The following PCGF5 variants were observed in gnomAD, a reference collection of about 807,000 sequenced individuals.
The protein encoded by PCGF5 is polycomb group ring finger 5.
A neutral mutation model predicts 44.3 loss-of-function variants in PCGF5; 9 were observed. That is an observed-to-expected ratio of 0.20 (90% confidence interval 0.12 to 0.35). The LOEUF is 0.35. PCGF5 is among the 10% of genes least tolerant of loss of function. The pLI is 1.00. For missense variants in PCGF5, 146 were observed against 305.3 expected, an observed-to-expected ratio of 0.48 and a Z score of 3.89; for synonymous variants, 95 against 102.5, an observed-to-expected ratio of 0.93 and a Z score of 0.44.
Position 91,171,223 on chromosome 10 carries a change from G to C in PCGF5, c.-184+8142G>C, listed in dbSNP as rs191926023. Among the ~76,000 whole-genome samples, 54 of 152,328 alleles carry C rather than the reference G, an allele frequency of 3.5e-4. 1 individual carries two copies. The East Asian group carries it at 0.01, about 28-fold the overall frequency. Reference sequence around the variant, plus strand: ...AGAATACAAAATACAGATGTGGCATGGAGGAAGAAAGAAGTTAGATGAAAA... The same window carrying C: ...AGAATACAAAATACAGATGTGGCATCGAGGAAGAAAGAAGTTAGATGAAAA... On this transcript the variant is annotated intron_variant, in intron 1 of 9. Transcript: ENST00000614189.
chr10:91,197,735 C>CT (rs1844165578), intron 1 of PCGF5, among the ~76,000 whole-genome samples: 1 of 152,132 alleles, frequency 6.6e-6, no homozygotes, highest in South Asian at 2.1e-4. Context: ...CCATATTCCC[C>CT]TTTTTCCTTC....
chr10:91,203,325 A>G (rs1195607177), intron 1 of PCGF5, among the ~76,000 whole-genome samples: 4 of 151,442 alleles, frequency 2.6e-5, no homozygotes, highest in Non-Finnish European at 2.9e-5. Flanking sequence ...AGGATCATGT[A>G]ATTCTCTAGG....
upstream of PCGF5, among the ~76,000 whole-genome samples, chr10:91,162,016 A>G (rs2133146465): frequency 6.6e-6 from 1 of 152,110 alleles, no homozygotes; most frequent in African/African-American, 2.4e-5. Context: ...AGATGGTAGG[A>G]GACGGCTACA....
chr10:91,248,527 A>T lies in PCGF5; in HGVS notation c.232A>T (p.Ile78Phe). 1 of 1,613,088 alleles carries T rather than the reference A, an allele frequency of 6.2e-7. No individual in the cohort carries two copies. Among genetic ancestry groups the T allele is most frequent in the Non-Finnish European group, 8.5e-7 (1 of 1,179,302 alleles). Residue 78 changes from isoleucine (I) to phenylalanine (F), a missense_variant, in exon 4 of 10, where the codon ATT (isoleucine) becomes TTT (phenylalanine). By Grantham distance (21) the Ile-to-Phe change is conservative (BLOSUM62 0). Transcript: ENST00000336126. ...MLRLDNTLEEIIFKLVPGLRE... is the reference protein window; with the variant it reads ...MLRLDNTLEEFIFKLVPGLRE... ...AAGGTTGGACAATACATTAGAGGAA[A>T]TTATATTTAAGCTGGTCCCTGGACT...
rs74853449 is a variant in PCGF5, at chr10:91,199,497, G to C, written c.-183-23192G>C. On this transcript the variant is annotated intron_variant, in intron 1 of 9. Coordinates refer to the PCGF5 transcript ENST00000614189. Reference sequence around the variant, plus strand: ...GGCAAGGAGGATCTTTGCAGCTGAGGACATGCCTGCAAGAGGCCAACAACA... The same window carrying C: ...GGCAAGGAGGATCTTTGCAGCTGAGCACATGCCTGCAAGAGGCCAACAACA... Among the ~76,000 whole-genome samples the C allele has an allele frequency of 6.3e-3, 961 of 152,320 alleles. 18 individuals carry two copies. The highest frequency in any genetic ancestry group is 0.022 in the African/African-American group (916 of 41,554).
chr10:91,210,671 C>T (rs1240892482), intron 1 of PCGF5, among the ~76,000 whole-genome samples: 1 of 152,176 alleles, frequency 6.6e-6, no homozygotes, highest in Non-Finnish European at 1.5e-5. Context: ...TGTTTCAGTG[C>T]CTCTAGTGCT....
In PCGF5 at chr10:91,271,493, A is replaced by G. The variant is rs184677048; in HGVS notation, c.664-145A>G. On this transcript the variant is annotated intron_variant, in intron 8 of 9. Transcript: ENST00000336126. ...AGTTATTAAAATCTTTTTTTCAAAAACAACCACCATTTTTTTGGAAAGTGT... is the reference window on the plus strand; with the variant it reads ...AGTTATTAAAATCTTTTTTTCAAAAGCAACCACCATTTTTTTGGAAAGTGT... 476 of 595,264 alleles carry G rather than the reference A, an allele frequency of 8.0e-4. 1 individual carries two copies. In the African/African-American group the frequency reaches 8.0e-3, roughly 10 times the overall value. The allele number at this position is 595,264 out of a possible 1,614,324, so 36.9% of individuals were successfully genotyped here. A position where few individuals can be genotyped will look rare whatever the true frequency, so the allele number is the denominator to read the frequency against.
intron 1 of PCGF5, among the ~76,000 whole-genome samples, chr10:91,208,454 G>C (rs1019008072): frequency 2.0e-5 from 3 of 152,136 alleles, no homozygotes; most frequent in East Asian, 1.9e-4. Context: ...AATCACCTGA[G>C]GGCCCAGATT....
At chr10:91,212,352 T>A (rs2133254203) in intron 1 of PCGF5, among the ~76,000 whole-genome samples, 1 of 152,330 alleles carries the variant, frequency 6.6e-6, no homozygotes, top group Non-Finnish European at 1.5e-5. Flanking sequence ...CATTCTGTTT[T>A]CACTACATCC....
intron 6 of PCGF5, among the ~76,000 whole-genome samples, chr10:91,259,441 A>G (rs1302491214): frequency 6.6e-6 from 1 of 152,064 alleles, no homozygotes; most frequent in African/African-American, 2.4e-5. Flanking sequence ...CAGAAGTTAT[A>G]CTTTATAATC....
upstream of PCGF5, among the ~76,000 whole-genome samples, chr10:91,160,818 G>A (rs1045992132): frequency 6.6e-6 from 1 of 152,198 alleles, no homozygotes; most frequent in Non-Finnish European, 1.5e-5. Context: ...TCTAGGCCTC[G>A]GGAAGAGAAA....
At chr10:91,234,497 G>A (rs1845098094) in intron 2 of PCGF5, among the ~76,000 whole-genome samples, 1 of 152,162 alleles carries the variant, frequency 6.6e-6, no homozygotes, top group Non-Finnish European at 1.5e-5. Flanking sequence ...CACTAGGGTA[G>A]AAATGGCTAG....
At chr10:91,214,639 T>C (rs1354236374) in intron 1 of PCGF5, among the ~76,000 whole-genome samples, 2 of 152,238 alleles carry the variant, frequency 1.3e-5, no homozygotes, top group African/African-American at 2.4e-5. Flanking sequence ...AGCATGTTTT[T>C]AGTAGTACTG....
At chr10:91,236,994 A>G (rs189780634) in intron 2 of PCGF5, among the ~76,000 whole-genome samples, 32 of 152,340 alleles carry the variant, frequency 2.1e-4, no homozygotes, top group Non-Finnish European at 3.8e-4. Context: ...TCGTAGATCT[A>G]TGTAAATAAA....
chr10:91,164,154 A>AGAGT (rs2133152922), intron 1 of PCGF5, among the ~76,000 whole-genome samples: 1 of 152,300 alleles, frequency 6.6e-6, no homozygotes, highest in South Asian at 2.1e-4. Flanking sequence ...TGACCCAGGG[A>AGAGT]GAGTGGCCCC....
chr10:91,233,842 A>G (rs1312045419), intron 2 of PCGF5, among the ~76,000 whole-genome samples: 1 of 152,254 alleles, frequency 6.6e-6, no homozygotes, highest in Admixed American at 6.5e-5. Flanking sequence ...AAAAATATGC[A>G]TCTAAGTTGA....
At chr10:91,220,587 GTGCCGC>G (rs1564637436), upstream of PCGF5, 1 of 149,880 alleles carries the variant, frequency 6.7e-6, no homozygotes, top group African/African-American at 2.4e-5. Context: ...GGGGCGGGCG[GTGCCGC>G]CGGTTGGAAG....
At chr10:91,265,213 A>G (rs1373370379) in intron 8 of PCGF5, among the ~76,000 whole-genome samples, 1 of 152,178 alleles carries the variant, frequency 6.6e-6, no homozygotes, top group Non-Finnish European at 1.5e-5. Flanking sequence ...GTAGTAACTT[A>G]GGTTCTACTA....
chr10:91,174,415 G>A (rs566839902), intron 1 of PCGF5, among the ~76,000 whole-genome samples: 1 of 152,198 alleles, frequency 6.6e-6, no homozygotes, highest in South Asian at 2.1e-4. Context: ...GCTGAGGCAC[G>A]AGAATCACTT....
Sources: allele counts gnomAD v4.1 joint callset (sites outside exome capture counted in the v4.1 genomes callset), GRCh38; gene constraint gnomAD v4.1.1; transcripts MANE v1.5; gene names NCBI Gene and HGNC (gene_info 2026-07-23, HGNC 2026-07-21).